RASA1: variants seen among roughly 807,000 people sequenced by gnomAD.
The protein encoded by RASA1 is RAS p21 protein activator 1.
A neutral mutation model predicts 132.2 loss-of-function variants in RASA1; 25 were observed. The observed-to-expected ratio is 0.19, with a 90% CI of 0.14 to 0.26. The LOEUF is 0.26. Among genes scored for constraint, RASA1 ranks in the 10% least tolerant of loss-of-function variants. The pLI, the probability that RASA1 is intolerant of heterozygous loss-of-function variation, is 1.00. For synonymous variants in RASA1, 477 were observed against 449.9 expected (o/e 1.06, Z -0.76); for missense variants, 964 against 1,299.2 (o/e 0.74, Z 3.97).
intron 1 of RASA1, among the ~76,000 whole-genome samples, chr5:87,273,700 CTTT>C (rs539277152): frequency 1.4e-5 from 2 of 138,358 alleles, no homozygotes; most frequent in African/African-American, 2.6e-5. Context: ...TTTTCTTTTT[CTTT>C]TTTTTTTTTT....
Position 87,376,470 on chromosome 5 carries a change from C to G in RASA1, c.2089C>G (p.Pro697Ala), listed in dbSNP as rs759711265. Residue 697 changes from proline to alanine, a missense_variant, in exon 16 of 25, where the codon CCA becomes GCA. Around this residue, in one of 6 missense-constraint regions of RASA1, gnomAD observed 346 missense variants for 520.1 expected, o/e 0.67. Transcript: ENST00000274376. The part of the protein sequence containing the change: ...DEWFLLSSHI[P>A]LKGIEPGSLR... ...ATGGTTTCTGCTCAGCTCCCATATA[C>G]CATTAAAAGGTATTGAACCAGGGTC... 66 of 1,613,860 alleles carry G rather than the reference C, an allele frequency of 4.1e-5. No individual in the cohort carries two copies. The highest frequency in any genetic ancestry group is 5.3e-5 in the Non-Finnish European group (63 of 1,179,978).
Position 87,374,822 on chromosome 5 carries a change from T to C in RASA1, c.1935-18T>C. ...TGCCAAAACATTTTGTTAATTCTTT[T>C]TCTCCTTGCTCCTTTAGTGATCTTC... is the stretch of plus-strand genomic sequence containing the variant. On this transcript the variant is annotated intron_variant, in intron 14 of 24. Transcript: ENST00000274376. The C allele has an allele frequency of 6.2e-7, 1 of 1,609,114 alleles. No individual in the cohort carries two copies. Among genetic ancestry groups the C allele is most frequent in the Non-Finnish European group, 8.5e-7 (1 of 1,177,292 alleles).
In RASA1 at chr5:87,319,908, A is replaced by G. The variant is rs571149376; in HGVS notation, c.540-11440A>G. Among the ~76,000 whole-genome samples, 11 of 152,342 alleles carry G rather than the reference A, an allele frequency of 7.2e-5. No homozygotes were observed. In the East Asian group the frequency reaches 2.1e-3, roughly 29 times the overall value. Reference sequence around the variant, plus strand: ...TGCTTCCCTTTTAAACATAAGTTCCAATTTCACACCGTCTCTTCATACATA... The same window carrying G: ...TGCTTCCCTTTTAAACATAAGTTCCGATTTCACACCGTCTCTTCATACATA... On this transcript the variant is annotated intron_variant, in intron 1 of 24. Coordinates refer to ENST00000274376, the MANE Select transcript of RASA1 (RefSeq NM_002890.3).
intron 1 of RASA1, among the ~76,000 whole-genome samples, chr5:87,276,813 G>A (rs1167545498): frequency 6.6e-6 from 1 of 152,142 alleles, no homozygotes; most frequent in Non-Finnish European, 1.5e-5. Flanking sequence ...GTTGTTATGT[G>A]TAACATAGAG....
At chr5:87,374,343 A>T in intron 14 of RASA1, 23 bp downstream of exon 14, 1 of 1,587,078 alleles carries the variant, frequency 6.3e-7, no homozygotes, top group Non-Finnish European at 8.6e-7. Flanking sequence ...TTATCATTAC[A>T]TTAATCATTT....
intron 1 of RASA1, among the ~76,000 whole-genome samples, chr5:87,297,306 A>T (rs1454346960): frequency 2.0e-5 from 3 of 151,928 alleles, no homozygotes; most frequent in African/African-American, 7.3e-5. Context: ...TTTGCCTTTT[A>T]TTATGTCTTG....
At chr5:87,378,697 C>T (rs985481843) in intron 18 of RASA1, among the ~76,000 whole-genome samples, 159 bp downstream of exon 18, 1 of 152,108 alleles carries the variant, frequency 6.6e-6, no homozygotes, top group Non-Finnish European at 1.5e-5. Context: ...AAATGTTCTG[C>T]AAAATGGACT....
At chr5:87,359,391 T>A (rs1759901720) in intron 9 of RASA1, among the ~76,000 whole-genome samples, 1 of 152,116 alleles carries the variant, frequency 6.6e-6, no homozygotes, top group Non-Finnish European at 1.5e-5. Context: ...CTCCTCTCAT[T>A]GACTAGGACT....
chr5:87,312,949 C>A (rs1374528648), intron 1 of RASA1, among the ~76,000 whole-genome samples: 1 of 151,970 alleles, frequency 6.6e-6, no homozygotes, highest in Non-Finnish European at 1.5e-5. Flanking sequence ...TATGAGTAGG[C>A]CAGATTATTG....
chr5:87,285,879 A>G (rs1297882064), intron 1 of RASA1, among the ~76,000 whole-genome samples: 2 of 151,646 alleles, frequency 1.3e-5, no homozygotes. Flanking sequence ...TCAGCCTCCC[A>G]GAGTGCTGGG....
At chr5:87,328,721 ATC>A (rs1437176171) in intron 1 of RASA1, among the ~76,000 whole-genome samples, 1 of 152,134 alleles carries the variant, frequency 6.6e-6, no homozygotes, top group Non-Finnish European at 1.5e-5. Context: ...GGGACTCTGA[ATC>A]TCTCAGTAGG....
At chr5:87,387,505 A>G (rs1762144539) in intron 23 of RASA1, among the ~76,000 whole-genome samples, 2 of 152,170 alleles carry the variant, frequency 1.3e-5, no homozygotes, top group Admixed American at 6.5e-5. Flanking sequence ...ATTTTCAGGT[A>G]CTGAGTCAGT....
At chr5:87,372,619 TTAATC>T (rs1192754479) in intron 13 of RASA1, among the ~76,000 whole-genome samples, 2 of 152,176 alleles carry the variant, frequency 1.3e-5, no homozygotes, top group African/African-American at 4.8e-5. Flanking sequence ...TAGGAAATAT[TTAATC>T]TTATTTGAAA....
Position 87,268,230 on chromosome 5 carries a change from G to T in RASA1, c.-222G>T. On this transcript the variant is annotated 5_prime_UTR_variant, in exon 1 of 25. Transcript: ENST00000274376. ...TTGGGTGGCGTTTGTGCAGGCGTTGGGTTTTTTGCCCACTTGGCTTCCCGT... is the reference window on the plus strand; with the variant it reads ...TTGGGTGGCGTTTGTGCAGGCGTTGTGTTTTTTGCCCACTTGGCTTCCCGT... 1.6e-6 allele frequency: 1 copy of T among 621,666 alleles called. No individual in the cohort carries two copies. Among genetic ancestry groups the T allele is most frequent in the Non-Finnish European group, 2.7e-6 (1 of 368,144 alleles). 38.5% of individuals were successfully genotyped at this position (621,666 alleles called of 1,614,324 possible).
At chr5:87,288,242 G>T (rs1042984801) in intron 1 of RASA1, among the ~76,000 whole-genome samples, 34 of 149,916 alleles carry the variant, frequency 2.3e-4, no homozygotes, top group Non-Finnish European at 4.4e-4. Flanking sequence ...TATTTCTTCT[G>T]TTGGGACACG....
At chr5:87,343,688 C>T (rs761391031) in intron 6 of RASA1, among the ~76,000 whole-genome samples, 2 of 152,052 alleles carry the variant, frequency 1.3e-5, no homozygotes, top group Non-Finnish European at 2.9e-5. Context: ...AAAAATAAAG[C>T]TACCATATGA....
intron 4 of RASA1, among the ~76,000 whole-genome samples, chr5:87,336,365 C>T (rs1039629855): frequency 2.1e-5 from 3 of 145,502 alleles, no homozygotes; most frequent in Non-Finnish European, 4.5e-5. Flanking sequence ...CCTGGGAGAC[C>T]AAAAAGAAAA....
At chr5:87,371,749 C>T (rs1040147170) in intron 12 of RASA1, among the ~76,000 whole-genome samples, 2 of 152,102 alleles carry the variant, frequency 1.3e-5, no homozygotes, top group Non-Finnish European at 2.9e-5. Flanking sequence ...TCCACCTAAG[C>T]TTGCCTCAAG....
chr5:87,301,195 G>A (rs1197116963), intron 1 of RASA1, among the ~76,000 whole-genome samples: 1 of 151,964 alleles, frequency 6.6e-6, no homozygotes, highest in African/African-American at 2.4e-5. Context: ...AATTTTGACT[G>A]TCTAATGTTT....
Sources: gnomAD v4.1 joint callset for allele counts (sites outside exome capture counted in the v4.1 genomes callset) on GRCh38, gnomAD v4.1.1 for gene constraint, gnomAD v4.1.1 regional missense constraint, MANE v1.5 for transcripts, NCBI Gene and HGNC (gene_info 2026-07-23, HGNC 2026-07-21) for gene names.